Variants in CORO2A observed in about 807,000 individuals in gnomAD.
CORO2A encodes the protein coronin-2A.
In CORO2A, 47 loss-of-function variants were observed where a neutral mutation model predicts 62.4. The ratio of observed to expected loss-of-function variants is 0.75; its 90% CI spans 0.60 to 0.96. CORO2A has a LOEUF of 0.96. CORO2A is among the 40% of genes least tolerant of loss of function. The pLI, the probability that CORO2A is intolerant of heterozygous loss-of-function variation, is 0.00. For missense variants in CORO2A, 610 were observed against 684.1 expected (o/e 0.89, Z 1.21); for synonymous variants, 273 against 268.9 (o/e 1.02, Z -0.15).
chr9:98,126,810 C>T lies in CORO2A; in HGVS notation c.1185G>A (p.Val395=), dbSNP rs1225477435. The T allele has an allele frequency of 9.3e-6, 15 of 1,614,038 alleles. No homozygotes were observed. Among genetic ancestry groups the T allele is most frequent in the Non-Finnish European group, 1.3e-5 (15 of 1,180,030 alleles). ...LSGMNRDPIL[V]SLRPGSELLR... The stretch of plus-strand genomic sequence containing the variant: ...GCAGCTCAGAGCCAGGCCTAAGGGA[C>T]ACCAGGATTGGGTCTGGAAGGGAAG... Residue 395 remains valine, a synonymous_variant, in exon 11 of 12, where the codon GTG becomes GTA. Coordinates refer to ENST00000375077, the MANE Select transcript of CORO2A (RefSeq NM_052820.4).
chr9:98,179,972 C>T (rs1389631920), intron 1 of CORO2A, among the ~76,000 whole-genome samples: 2 of 152,092 alleles, frequency 1.3e-5, no homozygotes, highest in Non-Finnish European at 2.9e-5. Flanking sequence ...CACTGCACTC[C>T]AGCCTGGATG....
At chr9:98,191,221 G>A (rs957685283) in intron 1 of CORO2A, among the ~76,000 whole-genome samples, 1 of 152,222 alleles carries the variant, frequency 6.6e-6, no homozygotes, top group African/African-American at 2.4e-5. Flanking sequence ...CTGCAGAGGG[G>A]CTCCGGCTCT....
chr9:98,167,635 A>G (rs79385917), intron 1 of CORO2A, among the ~76,000 whole-genome samples: 4,811 of 152,118 alleles, frequency 0.032, 102 homozygotes, highest in Non-Finnish European at 0.049. Context: ...CCGGATTCAC[A>G]CAAACCAATT....
At position 98,126,635 on chromosome 9, in the gene CORO2A, C is replaced by T. The variant is rs1237654516; in HGVS notation, c.1360G>A (p.Ala454Thr). The T allele has an allele frequency of 6.2e-7, 1 of 1,614,242 alleles. No individual in the cohort carries two copies. The highest frequency in any genetic ancestry group is 2.2e-5 in the East Asian group (1 of 44,890). ...LLEEKMPRWA[A>T]EHRLEEKKTW... ...TTCTTCTCCTCCAGCCTGTGTTCTG[C>T]TGCCCACCTTGGCATCTTCTCCTCC... The change falls in exon 11 of 12, where the codon GCA (alanine) becomes ACA (threonine). Residue 454 changes from alanine to threonine, a missense_variant. Ala to Thr is a moderately conservative substitution (Grantham distance 58). Transcript: ENST00000375077.
At chr9:98,137,454 T>C in intron 3 of CORO2A, 118 bp downstream of exon 3, 1 of 807,568 alleles carries the variant, frequency 1.2e-6, no homozygotes, top group East Asian at 2.5e-5. Flanking sequence ...CCCCACACAG[T>C]GACCTCACCT....
chr9:98,146,306 C>T (rs1232870744), intron 2 of CORO2A, among the ~76,000 whole-genome samples: 3 of 152,218 alleles, frequency 2.0e-5, no homozygotes, highest in Non-Finnish European at 4.4e-5. Flanking sequence ...TCCCCTGCTG[C>T]CTTTGTTCCC....
rs570721033 is a variant in CORO2A, at chr9:98,126,616, T to G, written c.1379A>C (p.Glu460Ala). Residue 460 changes from glutamate to alanine, a missense_variant, in exon 11 of 12, where the codon GAG becomes GCG. Physicochemically the swap from Glu to Ala is moderately radical, Grantham distance 107. Coordinates refer to ENST00000375077, the MANE Select transcript of CORO2A (RefSeq NM_052820.4). ...PRWAAEHRLE[E>A]KKTWLTNGFD... ...GCCATTTGTCAGCCAGGTTTTCTTC[T>G]CCTCCAGCCTGTGTTCTGCTGCCCA... The G allele has an allele frequency of 2.5e-6, 4 of 1,614,138 alleles. No homozygotes were observed. The South Asian group carries it at 4.4e-5, about 18-fold the overall frequency.
intron 2 of CORO2A, among the ~76,000 whole-genome samples, chr9:98,140,845 A>T: frequency 6.6e-6 from 1 of 152,178 alleles, no homozygotes; most frequent in East Asian, 1.9e-4. Context: ...GGAAAAAGTG[A>T]TCAGACACCT....
chr9:98,160,009 T>C (rs978734802), intron 1 of CORO2A, among the ~76,000 whole-genome samples: 16 of 152,150 alleles, frequency 1.1e-4, no homozygotes, highest in African/African-American at 3.9e-4. Flanking sequence ...CTCAGGCAAG[T>C]CATAGCGATA....
chr9:98,128,493 T>G, intron 9 of CORO2A, 114 bp downstream of exon 9: 1 of 957,976 alleles, frequency 1.0e-6, no homozygotes, highest in East Asian at 2.5e-5. Flanking sequence ...GAAAGGCCGC[T>G]CTGTGGCTGC....
At chr9:98,128,808 A>G in intron 8 of CORO2A, 89 bp from the exon 9 acceptor site, 1 of 990,546 alleles carries the variant, frequency 1.0e-6, no homozygotes. Flanking sequence ...CTGGACCTGA[A>G]CAGAGACCAG....
chr9:98,175,218 G>C (rs893936310), intron 1 of CORO2A, among the ~76,000 whole-genome samples: 17 of 152,174 alleles, frequency 1.1e-4, no homozygotes, highest in African/African-American at 2.9e-4. Flanking sequence ...ATCTCTGCCA[G>C]GGCCCCAGCA....
chr9:98,145,452 C>G (rs1011721854), intron 2 of CORO2A, among the ~76,000 whole-genome samples: 1 of 152,128 alleles, frequency 6.6e-6, no homozygotes, highest in East Asian at 1.9e-4. Context: ...GATGAACAAA[C>G]CCCTAGAACT....
At chr9:98,187,536 A>G (rs1828255341) in intron 1 of CORO2A, among the ~76,000 whole-genome samples, 1 of 152,056 alleles carries the variant, frequency 6.6e-6, no homozygotes, top group Non-Finnish European at 1.5e-5. Context: ...ATGGAAGTCC[A>G]AGACTAAGAC....
rs537507938 is a variant in CORO2A, at chr9:98,135,983, G to A, written c.319-1028C>T. On this transcript the variant is annotated intron_variant, in intron 3 of 11. Coordinates refer to ENST00000375077, the MANE Select transcript of CORO2A (RefSeq NM_052820.4). ...CAGAGAAGACTCCCCACTGCTAGAG[G>A]AGCAACCGTGCCCTCCAGGCCCTGA... Among the ~76,000 whole-genome samples, 11 of 152,276 alleles carry A rather than the reference G, an allele frequency of 7.2e-5. No homozygotes were observed. In the East Asian group the frequency reaches 1.7e-3, roughly 24 times the overall value.
chr9:98,137,720 G>T (rs767656630), intron 2 of CORO2A, 32 bp from the exon 3 acceptor site: 1 of 1,530,152 alleles, frequency 6.5e-7, no homozygotes, highest in South Asian at 1.1e-5. Context: ...GGTTGGGGAG[G>T]AGGTGGATTC....
At chr9:98,138,640 G>T (rs113480891) in intron 2 of CORO2A, among the ~76,000 whole-genome samples, 1 of 152,200 alleles carries the variant, frequency 6.6e-6, no homozygotes, top group African/African-American at 2.4e-5. Context: ...GGCACAAAAG[G>T]CCACACGTTG....
At chr9:98,139,668 C>T (rs971384495) in intron 2 of CORO2A, among the ~76,000 whole-genome samples, 75 of 152,156 alleles carry the variant, frequency 4.9e-4, no homozygotes, top group East Asian at 7.7e-4. Flanking sequence ...TGGTGTCGCA[C>T]ACCTGTAGTT....
chr9:98,141,338 GACCACTGAC>G (rs1437577059), intron 2 of CORO2A, among the ~76,000 whole-genome samples: 3 of 126,718 alleles, frequency 2.4e-5, no homozygotes, highest in African/African-American at 9.3e-5. Flanking sequence ...GTCTCCATGG[GACCACTGAC>G]CCTTTTTTTT....
Sources: gnomAD v4.1 joint callset for allele counts (sites outside exome capture counted in the v4.1 genomes callset) on GRCh38, gnomAD v4.1.1 for gene constraint, MANE v1.5 for transcripts, NCBI Gene and HGNC (gene_info 2026-07-23, HGNC 2026-07-21) for gene names.